Variants in MAGI1 observed in about 807,000 individuals in gnomAD.
The protein encoded by MAGI1 is membrane-associated guanylate kinase, WW and PDZ domain-containing protein 1.
Under a neutral mutation model 139.9 loss-of-function variants are expected in MAGI1, and 58 were observed. That is an observed-to-expected ratio of 0.41 (90% CI 0.34 to 0.52). The LOEUF (loss-of-function observed/expected upper bound fraction) is 0.52. MAGI1 is among the 20% of genes least tolerant of loss of function. The pLI is 0.12. For missense variants in MAGI1, 1,874 were observed against 1,901.6 expected, an observed-to-expected ratio of 0.99 and a Z score of 0.27; for synonymous variants, 812 against 737.9, an observed-to-expected ratio of 1.10 and a Z score of -1.63.
At chr3:65,692,748 T>C (rs549399904) in intron 1 of MAGI1, among the ~76,000 whole-genome samples, 35 of 152,234 alleles carry the variant, frequency 2.3e-4, no homozygotes, top group South Asian at 6.2e-4. Flanking sequence ...GGGTGAGTTG[T>C]CATGAGACTG....
At chr3:65,708,878 G>A (rs2030866344) in intron 1 of MAGI1, among the ~76,000 whole-genome samples, 1 of 152,104 alleles carries the variant, frequency 6.6e-6, no homozygotes, top group African/African-American at 2.4e-5. Context: ...TGAGGAGAAA[G>A]GAGAAACGGT....
chr3:65,589,053 G>T (rs539063550), intron 2 of MAGI1, among the ~76,000 whole-genome samples: 3 of 152,280 alleles, frequency 2.0e-5, no homozygotes, highest in South Asian at 4.1e-4. Context: ...TTCTAATGTT[G>T]TTAGGTTCAG....
intron 1 of MAGI1, among the ~76,000 whole-genome samples, chr3:65,804,259 C>A (rs2040698094): frequency 6.8e-6 from 1 of 146,570 alleles, no homozygotes; most frequent in African/African-American, 2.6e-5. Flanking sequence ...CAGAACATTT[C>A]TCAGATGGCT....
chr3:65,747,617 G>C (rs188604689), intron 1 of MAGI1, among the ~76,000 whole-genome samples: 2 of 152,252 alleles, frequency 1.3e-5, no homozygotes, highest in African/African-American at 2.4e-5. Context: ...GTATATTTAA[G>C]AGTCCAGAGG....
At chr3:65,847,937 G>A (rs1279811427) in intron 1 of MAGI1, among the ~76,000 whole-genome samples, 2 of 152,116 alleles carry the variant, frequency 1.3e-5, no homozygotes, top group Middle Eastern at 3.2e-3. Flanking sequence ...TGAGAGACTG[G>A]GGTTGGGGTA....
chr3:65,617,688 A>G (rs994025027), intron 2 of MAGI1, among the ~76,000 whole-genome samples: 1 of 151,986 alleles, frequency 6.6e-6, no homozygotes, highest in African/African-American at 2.4e-5. Flanking sequence ...GGGGCTCAAG[A>G]CTCTGACCTT....
At chr3:65,863,745 A>T (rs903815381) in intron 1 of MAGI1, among the ~76,000 whole-genome samples, 4 of 152,204 alleles carry the variant, frequency 2.6e-5, no homozygotes, top group African/African-American at 9.7e-5. Context: ...AATAATCTAA[A>T]CGCAACCCAA....
chr3:65,488,864 G>A (rs933778858), intron 3 of MAGI1, among the ~76,000 whole-genome samples: 1 of 151,200 alleles, frequency 6.6e-6, no homozygotes, highest in Non-Finnish European at 1.5e-5. Context: ...ATAGAGATGG[G>A]GTTTTGCCAT....
intron 2 of MAGI1, among the ~76,000 whole-genome samples, chr3:65,572,186 T>A (rs531487562): frequency 6.6e-6 from 1 of 152,282 alleles, no homozygotes; most frequent in South Asian, 2.1e-4. Context: ...CTCAATACTT[T>A]AAGAATAATA....
intron 2 of MAGI1, among the ~76,000 whole-genome samples, chr3:65,529,910 C>T (rs998214492): frequency 5.9e-5 from 9 of 152,144 alleles, no homozygotes; most frequent in African/African-American, 1.7e-4. Context: ...TAAGGCCTTT[C>T]CCTCTCTTTC....
At chr3:65,998,727 A>G (rs1216700514) in intron 1 of MAGI1, among the ~76,000 whole-genome samples, 1 of 151,874 alleles carries the variant, frequency 6.6e-6, no homozygotes, top group Non-Finnish European at 1.5e-5. Context: ...TTCCTTTCCT[A>G]AAATGCTGGT....
intron 1 of MAGI1, among the ~76,000 whole-genome samples, chr3:65,759,395 G>T (rs1416261852): frequency 1.3e-5 from 2 of 152,166 alleles, no homozygotes; most frequent in African/African-American, 2.4e-5. Context: ...TCTGTGCTTA[G>T]CACAAAAGAA....
At chr3:65,557,604 C>G (rs1482044685) in intron 2 of MAGI1, among the ~76,000 whole-genome samples, 1 of 152,166 alleles carries the variant, frequency 6.6e-6, no homozygotes, top group East Asian at 1.9e-4. Context: ...GGTTAGATGC[C>G]TCTGTCATAT....
chr3:65,364,555 G>T, intron 20 of MAGI1, 110 bp downstream of exon 20: 3 of 912,330 alleles, frequency 3.3e-6, no homozygotes, highest in Non-Finnish European at 5.3e-6. Flanking sequence ...CCTCACAAAA[G>T]GTTATTTCTT....
intron 1 of MAGI1, among the ~76,000 whole-genome samples, chr3:65,969,615 C>A (rs185700550): frequency 6.6e-6 from 1 of 152,294 alleles, no homozygotes; most frequent in East Asian, 1.9e-4. Flanking sequence ...AAGGTGACCC[C>A]TTCATAAGCT....
intron 2 of MAGI1, among the ~76,000 whole-genome samples, chr3:65,569,933 T>C (rs188367392): frequency 5.9e-5 from 9 of 151,884 alleles, no homozygotes; most frequent in South Asian, 2.1e-4. Flanking sequence ...CTGAAATACT[T>C]GAATTATTTT....
At chr3:65,440,124 C>T (rs1282294264) in intron 8 of MAGI1, 112 bp from the exon 9 acceptor site, 5 of 1,175,864 alleles carry the variant, frequency 4.3e-6, no homozygotes, top group South Asian at 2.7e-5. Context: ...GTCTGAGATG[C>T]TAACCCTCGT....
In MAGI1 at chr3:65,356,985, G is replaced by A; in HGVS notation, c.3782C>T (p.Ala1261Val). The stretch of plus-strand genomic sequence containing the variant: ...GCTGCCTTTCGGATCCCTTGCGTGT[G>A]CCCGCTTTTCCCCATGTGGTGATGA... ...HKSSPHGEKR[A>V]HARDPKGSRE... The change falls in exon 23 of 23, where the codon GCA (alanine) becomes GTA (valine). Residue 1261 changes from alanine to valine, a missense_variant. Ala to Val is a moderately conservative substitution (Grantham distance 64). This residue lies in a region of MAGI1 where 653 missense variants were observed against 644.5 expected (regional missense o/e 1.01). Transcript: ENST00000402939. 3 of 1,614,176 alleles carry A rather than the reference G, an allele frequency of 1.9e-6. No homozygotes were observed. Among genetic ancestry groups the A allele is most frequent in the Non-Finnish European group, 2.5e-6 (3 of 1,180,026 alleles).
intron 2 of MAGI1, among the ~76,000 whole-genome samples, chr3:65,612,515 T>A (rs901639277): frequency 6.6e-6 from 1 of 152,178 alleles, no homozygotes; most frequent in African/African-American, 2.4e-5. Flanking sequence ...TAAAAAAATA[T>A]GTCATTGATC....
Sources: allele counts gnomAD v4.1 joint callset (sites outside exome capture counted in the v4.1 genomes callset), GRCh38; gene constraint gnomAD v4.1.1; regional missense constraint gnomAD v4.1.1; transcripts MANE v1.5; gene names NCBI Gene and HGNC (gene_info 2026-07-23, HGNC 2026-07-21).